Variants in SYT14 observed in about 807,000 individuals in gnomAD.
The protein encoded by SYT14 is synaptotagmin-14.
SYT14 carries 32 observed loss-of-function variants against 74.2 expected under a neutral mutation model. The observed-to-expected ratio is 0.43, with a 90% CI of 0.33 to 0.58. The LOEUF is 0.58. Ranked by LOEUF, SYT14 falls within the 20% of genes least tolerant of loss-of-function variation. The pLI is 0.05. For synonymous variants in SYT14, 298 were observed against 337.7 expected, an observed-to-expected ratio of 0.88 and a Z score of 1.29; for missense variants, 791 against 981.8, an observed-to-expected ratio of 0.81 and a Z score of 2.60.
chr1:210,002,521 A>G (rs185764813), intron 2 of SYT14, among the ~76,000 whole-genome samples: 33 of 152,044 alleles, frequency 2.2e-4, no homozygotes, highest in Admixed American at 7.9e-4. Context: ...GTGTATGACT[A>G]TATACCCATG....
chr1:210,124,430 A>G (rs562692453), intron 7 of SYT14, among the ~76,000 whole-genome samples: 14 of 152,268 alleles, frequency 9.2e-5, no homozygotes, highest in African/African-American at 2.6e-4. Context: ...ATACAAGGCA[A>G]TGTGCCAAAG....
intron 2 of SYT14, among the ~76,000 whole-genome samples, chr1:209,954,611 A>G (rs1276823244): frequency 6.6e-6 from 1 of 152,116 alleles, no homozygotes; most frequent in Non-Finnish European, 1.5e-5. Context: ...CATAGAGTAG[A>G]TCATATGAAA....
chr1:210,110,232 A>G (rs927252336), intron 7 of SYT14, among the ~76,000 whole-genome samples: 53 of 152,294 alleles, frequency 3.5e-4, no homozygotes, highest in African/African-American at 1.2e-3. Flanking sequence ...AAACCTGCAG[A>G]TTCTGCACAT....
intron 7 of SYT14, among the ~76,000 whole-genome samples, chr1:210,148,953 A>G (rs2083100916): frequency 6.6e-6 from 1 of 152,182 alleles, no homozygotes; most frequent in South Asian, 2.1e-4. Context: ...GCATTTTAAA[A>G]TAATTCAGCA....
chr1:210,101,587 A>G (rs758788562), intron 7 of SYT14, among the ~76,000 whole-genome samples: 3 of 152,048 alleles, frequency 2.0e-5, no homozygotes, highest in Non-Finnish European at 4.4e-5. Context: ...GAAAATTGAT[A>G]ACTTGTTATC....
intron 4 of SYT14, 94 bp from the exon 4 acceptor site, chr1:210,020,945 G>A (rs1005159963): frequency 1.2e-5 from 12 of 1,029,448 alleles, no homozygotes; most frequent in Non-Finnish European, 1.8e-5. Context: ...ACTTTATTGT[G>A]TAAAAATTAT....
chr1:210,132,219 T>A (rs1030811520), intron 7 of SYT14, among the ~76,000 whole-genome samples: 5 of 152,022 alleles, frequency 3.3e-5, no homozygotes, highest in African/African-American at 1.2e-4. Flanking sequence ...CTTATTCTGC[T>A]CAGGATCTGA....
chr1:209,967,735 T>A (rs2079177673), intron 2 of SYT14, among the ~76,000 whole-genome samples: 1 of 152,146 alleles, frequency 6.6e-6, no homozygotes, highest in Non-Finnish European at 1.5e-5. Flanking sequence ...TTATTGGTTT[T>A]CTTGGTGTTA....
chr1:210,099,850 A>G (rs1453252688), intron 6 of SYT14, among the ~76,000 whole-genome samples, 162 bp from the exon 6 acceptor site: 3 of 152,162 alleles, frequency 2.0e-5, no homozygotes, highest in Non-Finnish European at 4.4e-5. Context: ...ATCTCGCTCT[A>G]TAGGGTAGCT....
In SYT14 at chr1:210,098,784, G is replaced by A. The variant is rs1268185947; in HGVS notation, c.1585-1228G>A. 4.6e-5 allele frequency among the ~76,000 whole-genome samples: 7 copies of A among 151,902 alleles called. No individual in the cohort carries two copies. The South Asian group carries it at 6.2e-4, about 14-fold the overall frequency. ...CGACCTCTGCCTCCCTGGCTCAAGC[G>A]ATTCTCCTGCCTCACCTACCTGAGT... On this transcript the variant is annotated intron_variant, in intron 6 of 9. Transcript: ENST00000637265.
At chr1:210,152,965 A>G (rs917965852) in intron 7 of SYT14, among the ~76,000 whole-genome samples, 1 of 152,158 alleles carries the variant, frequency 6.6e-6, no homozygotes, top group African/African-American at 2.4e-5. Context: ...TCACATTTGT[A>G]AATGTTATAA....
chr1:210,143,976 G>C (rs981870885), intron 7 of SYT14, among the ~76,000 whole-genome samples: 2 of 152,058 alleles, frequency 1.3e-5, no homozygotes, highest in Non-Finnish European at 2.9e-5. Flanking sequence ...TATAGATGAG[G>C]AAATTGAGTC....
At chr1:210,160,553 G>A (rs555823117) in intron 9 of SYT14, among the ~76,000 whole-genome samples, 176 bp from the exon 9 acceptor site, 2 of 152,234 alleles carry the variant, frequency 1.3e-5, no homozygotes, top group South Asian at 4.2e-4. Flanking sequence ...AGGATTCTCT[G>A]TATTTGTCAC....
At chr1:210,081,078 G>C (rs1466201194) in intron 5 of SYT14, among the ~76,000 whole-genome samples, 7 of 152,342 alleles carry the variant, frequency 4.6e-5, no homozygotes. Flanking sequence ...GAAATTGCCA[G>C]TGTACGGCTG....
chr1:210,120,492 A>G (rs1055376175), intron 7 of SYT14, among the ~76,000 whole-genome samples: 5 of 151,752 alleles, frequency 3.3e-5, no homozygotes, highest in African/African-American at 9.7e-5. Flanking sequence ...TACCTTTTAT[A>G]TGTTCAAATA....
At chr1:210,050,674 GCA>G (rs1282932053) in intron 5 of SYT14, among the ~76,000 whole-genome samples, 12 of 152,294 alleles carry the variant, frequency 7.9e-5, no homozygotes, top group African/African-American at 2.4e-4. Context: ...CACAATCATG[GCA>G]GAAGGTGAAA....
intron 2 of SYT14, among the ~76,000 whole-genome samples, chr1:210,009,616 A>G (rs2080049673): frequency 6.6e-6 from 1 of 152,100 alleles, no homozygotes; most frequent in African/African-American, 2.4e-5. Flanking sequence ...GCTTGGTATT[A>G]TTTAGTGAGT....
At chr1:209,983,845 T>C (rs1370812116) in intron 2 of SYT14, among the ~76,000 whole-genome samples, 1 of 152,232 alleles carries the variant, frequency 6.6e-6, no homozygotes, top group African/African-American at 2.4e-5. Flanking sequence ...AATGAGATTG[T>C]CCTACTCCTC....
chr1:209,964,499 G>T (rs1055343523), intron 2 of SYT14, among the ~76,000 whole-genome samples: 21 of 152,030 alleles, frequency 1.4e-4, no homozygotes, highest in African/African-American at 5.1e-4. Context: ...GTAGAAAAGG[G>T]TTTCTTGCAT....
Sources: gnomAD v4.1 joint callset for allele counts (sites outside exome capture counted in the v4.1 genomes callset) on GRCh38, gnomAD v4.1.1 for gene constraint, MANE v1.5 for transcripts, NCBI Gene and HGNC (gene_info 2026-07-23, HGNC 2026-07-21) for gene names.